Variants in PCDHGA6 observed in about 807,000 individuals in gnomAD.
The protein encoded by PCDHGA6 is protocadherin gamma subfamily A, 6.
In PCDHGA6, 41 loss-of-function variants were observed where a neutral mutation model predicts 60.6. The ratio of observed to expected loss-of-function variants is 0.68; its 90% CI spans 0.53 to 0.88. The LOEUF (loss-of-function observed/expected upper bound fraction) is 0.88. Ranked by LOEUF, PCDHGA6 falls within the 40% of genes least tolerant of loss-of-function variation. PCDHGA6 has a pLI of 0.00. For synonymous variants in PCDHGA6, 594 were observed against 524.4 expected (o/e 1.13, Z -1.81); for missense variants, 1,312 against 1,203.0 (o/e 1.09, Z -1.34).
intron 3 of PCDHGA6, among the ~76,000 whole-genome samples, chr5:141,506,282 C>G (rs1422321122): frequency 6.6e-6 from 1 of 152,040 alleles, no homozygotes; most frequent in East Asian, 1.9e-4. Flanking sequence ...AACCCTGTCT[C>G]TACTAAAAAT....
At chr5:141,453,481 T>TA (rs1178324090) in intron 1 of PCDHGA6, among the ~76,000 whole-genome samples, 1 of 151,928 alleles carries the variant, frequency 6.6e-6, no homozygotes, top group African/African-American at 2.4e-5. Context: ...TCAAAACTAT[T>TA]AAAAAAAGGT....
intron 1 of PCDHGA6, chr5:141,416,359 A>G (rs1215806118): frequency 6.6e-6 from 1 of 152,228 alleles, no homozygotes; most frequent in Non-Finnish European, 1.5e-5. Flanking sequence ...TGAGGAGGCT[A>G]TAGAGGGTGA....
chr5:141,510,852 G>A (rs2099883073), intron 3 of PCDHGA6, 95 bp from the exon 4 acceptor site: 2 of 1,601,096 alleles, frequency 1.2e-6, no homozygotes, highest in Non-Finnish European at 1.7e-6. Flanking sequence ...GGCCCAGGGT[G>A]CTGTATAGGC....
intron 1 of PCDHGA6, chr5:141,423,382 C>A (rs1244632347): frequency 6.2e-7 from 1 of 1,614,118 alleles, no homozygotes; most frequent in Admixed American, 1.7e-5. Context: ...CAGGCTGTGG[C>A]GCTGGCATAA....
chr5:141,414,302 A>G (rs2095732200), intron 1 of PCDHGA6: 3 of 1,613,678 alleles, frequency 1.9e-6, no homozygotes, highest in Non-Finnish European at 2.5e-6. Flanking sequence ...TTAAATGTGC[A>G]TGATTTAGAC....
chr5:141,399,570 C>T (rs1297172097), intron 1 of PCDHGA6: 1 of 1,614,044 alleles, frequency 6.2e-7, no homozygotes, highest in Non-Finnish European at 8.5e-7. Context: ...GGTTGAACGG[C>T]CAAGTCTCCT....
At chr5:141,383,997 T>C (rs1160859584) in intron 1 of PCDHGA6, 1 of 1,613,870 alleles carries the variant, frequency 6.2e-7, no homozygotes, top group Admixed American at 1.7e-5. Flanking sequence ...GGACAGTCAT[T>C]GCTCTTTTCT....
chr5:141,385,171 T>C, intron 1 of PCDHGA6: 1 of 1,614,170 alleles, frequency 6.2e-7, no homozygotes, highest in South Asian at 1.1e-5. Context: ...CCATGAGGTC[T>C]CCCTCACCGC....
intron 1 of PCDHGA6, chr5:141,400,710 C>A (rs1480952915): frequency 2.9e-6 from 2 of 693,672 alleles, no homozygotes; most frequent in Non-Finnish European, 4.8e-6. Context: ...AAAGAAGTAG[C>A]CTTATAGATT....
At chr5:141,445,020 C>T (rs2098454249) in intron 1 of PCDHGA6, among the ~76,000 whole-genome samples, 1 of 152,130 alleles carries the variant, frequency 6.6e-6, no homozygotes, top group Non-Finnish European at 1.5e-5. Flanking sequence ...TTTAATTTCT[C>T]TCAGCTATGT....
chr5:141,438,513 A>G (rs2097964808), intron 1 of PCDHGA6, among the ~76,000 whole-genome samples: 1 of 148,768 alleles, frequency 6.7e-6, no homozygotes, highest in Non-Finnish European at 1.5e-5. Context: ...TGCAAAACCA[A>G]TTATTTTACA....
intron 3 of PCDHGA6, among the ~76,000 whole-genome samples, chr5:141,508,616 G>T (rs1007206932): frequency 6.6e-6 from 1 of 152,114 alleles, no homozygotes; most frequent in African/African-American, 2.4e-5. Flanking sequence ...ATAGGACGTG[G>T]GTGGGCCGAG....
At chr5:141,398,162 A>G (rs1037240871) in intron 1 of PCDHGA6, 45 of 1,481,274 alleles carry the variant, frequency 3.0e-5, no homozygotes, top group Non-Finnish European at 4.0e-5. Flanking sequence ...GGCCGGGCTG[A>G]GAGGCTGCCA....
At position 141,374,827 on chromosome 5, in the gene PCDHGA6, T is replaced by G; in HGVS notation, c.744T>G (p.Arg248=). The part of the protein sequence containing the change: ...NTPMFTQPVY[R]VSVPENLPVG... Reference sequence around the variant, plus strand: ...CAATGTTTACTCAGCCTGTCTACCGTGTAAGTGTTCCTGAAAACCTGCCAG... The same window carrying G: ...CAATGTTTACTCAGCCTGTCTACCGGGTAAGTGTTCCTGAAAACCTGCCAG... The change falls in exon 1 of 4, where the codon CGT becomes CGG. Residue 248 remains arginine (R), a synonymous_variant. Transcript: ENST00000517434. 6.2e-7 allele frequency: 1 copy of G among 1,613,964 alleles called. No individual in the cohort carries two copies. Among genetic ancestry groups the G allele is most frequent in the Non-Finnish European group, 8.5e-7 (1 of 1,179,894 alleles).
Position 141,431,601 on chromosome 5 carries a change from T to G in PCDHGA6, c.2424+55094T>G. 1 of 1,614,202 alleles carries G rather than the reference T, an allele frequency of 6.2e-7. No homozygotes were observed. Among genetic ancestry groups the G allele is most frequent in the Non-Finnish European group, 8.5e-7 (1 of 1,180,032 alleles). On this transcript the variant is annotated intron_variant, in intron 1 of 3. Transcript: ENST00000517434. The surrounding 1 kb of genome is among the most constrained non-coding windows in gnomAD (Gnocchi z 4.8). Reference sequence around the variant, plus strand: ...GTCAATGCGGAAGTGAGGTATTCCTTCCGGTATGTGGACGACAAGGCGGCC... The same window carrying G: ...GTCAATGCGGAAGTGAGGTATTCCTGCCGGTATGTGGACGACAAGGCGGCC...
chr5:141,487,864 C>A lies in PCDHGA6; in HGVS notation c.2425-6943C>A. On this transcript the variant is annotated intron_variant, in intron 1 of 3. Coordinates refer to ENST00000517434, the MANE Select transcript of PCDHGA6 (RefSeq NM_018919.3). The surrounding 1 kb of genome is among the most constrained non-coding windows in gnomAD (Gnocchi z 5.0). ...GTAAGAAATGAAAGTAATTGGTGAT[C>A]AAGAGCCAGGCTGTTGTGGAAGCAT... 1 of 899,610 alleles carries A rather than the reference C, an allele frequency of 1.1e-6. No individual in the cohort carries two copies. Among genetic ancestry groups the A allele is most frequent in the Non-Finnish European group, 1.7e-6 (1 of 599,584 alleles). The allele number at this position is 899,610 out of a possible 1,614,324, so 55.7% of individuals were successfully genotyped here.
chr5:141,423,004 G>T lies in PCDHGA6; in HGVS notation c.2424+46497G>T, dbSNP rs1206727312. 2 of 1,614,116 alleles carry T rather than the reference G, an allele frequency of 1.2e-6. No individual in the cohort carries two copies. Among genetic ancestry groups the T allele is most frequent in the African/African-American group, 1.3e-5 (1 of 74,958 alleles). ...ACCTGGCTACCTGGTGACCAAGGTG[G>T]TTGCGGTGGACAAAGATTCAGGCCA... On this transcript the variant is annotated intron_variant, in intron 1 of 3. Transcript: ENST00000517434.
intron 1 of PCDHGA6, chr5:141,408,041 C>T: frequency 1.7e-6 from 2 of 1,193,652 alleles, no homozygotes; most frequent in Non-Finnish European, 2.3e-6. Context: ...AAACCAGCTC[C>T]CACACAGAGC....
At chr5:141,463,738 G>C (rs1002263384) in intron 1 of PCDHGA6, among the ~76,000 whole-genome samples, 1 of 151,978 alleles carries the variant, frequency 6.6e-6, no homozygotes, top group East Asian at 1.9e-4. Flanking sequence ...GAGCCACCGC[G>C]CCCGGCCTGC....
Sources: gnomAD v4.1 joint callset for allele counts (sites outside exome capture counted in the v4.1 genomes callset) on GRCh38, gnomAD v4.1.1 for gene constraint, Gnocchi (gnomAD v3.1) non-coding constraint, MANE v1.5 for transcripts, NCBI Gene and HGNC (gene_info 2026-07-23, HGNC 2026-07-21) for gene names.